Variants in HERC3 observed in about 807,000 individuals in gnomAD.
The protein encoded by HERC3 is HECT and RLD domain containing E3 ubiquitin protein ligase 3, also known as probable E3 ubiquitin-protein ligase HERC3.
Under a neutral mutation model 129.9 loss-of-function variants are expected in HERC3, and 58 were observed. The observed-to-expected ratio is 0.45, with a 90% confidence interval of 0.36 to 0.56. The LOEUF is 0.56. Ranked by LOEUF, HERC3 falls within the 20% of genes least tolerant of loss-of-function variation. The pLI, the probability that HERC3 is intolerant of heterozygous loss-of-function variation, is 0.00. For missense variants in HERC3, 835 were observed against 1,244.2 expected (o/e 0.67, Z 4.95); for synonymous variants, 430 against 451.0 (o/e 0.95, Z 0.59).
the HERC3 span, among the ~76,000 whole-genome samples, chr4:88,586,473 C>T: frequency 3.3e-5 from 5 of 151,832 alleles, no homozygotes; most frequent in African/African-American, 1.2e-4. Context: ...ATTCTCCTGC[C>T]TCAGCCTCCT....
Position 88,690,316 on chromosome 4 carries a change from A to G in HERC3, c.2657+3017A>G, listed in dbSNP as rs1733944950. ...AGAATTGGGAAATTTATGGCAGATC[A>G]TAAAGCAGATTTGTTAGCCCAGCTG... On this transcript the variant is annotated intron_variant, in intron 23 of 25. Transcript: ENST00000402738. The G allele has an allele frequency of 3.0e-6, 3 of 985,062 alleles. No individual in the cohort carries two copies. In the African/African-American group the frequency reaches 5.2e-5, roughly 17 times the overall value. The allele number at this position is 985,062 out of a possible 1,614,324, so 61.0% of individuals were successfully genotyped here. A position where few individuals can be genotyped will look rare whatever the true frequency, so the allele number is the denominator to read the frequency against.
chr4:88,643,907 G>A (rs1728411450), intron 3 of HERC3, among the ~76,000 whole-genome samples: 1 of 152,172 alleles, frequency 6.6e-6, no homozygotes, highest in African/African-American at 2.4e-5. Context: ...TTATCTATGA[G>A]TGTGTTAAGA....
At chr4:88,548,648 C>G in the HERC3 span, among the ~76,000 whole-genome samples, 2 of 149,446 alleles carry the variant, frequency 1.3e-5, no homozygotes, top group East Asian at 1.9e-4. Context: ...TTCTCTCATT[C>G]TGTGGGTCAT....
At chr4:88,683,315 AC>A (rs998809893) in intron 21 of HERC3, among the ~76,000 whole-genome samples, 2 of 152,110 alleles carry the variant, frequency 1.3e-5, no homozygotes, top group East Asian at 3.9e-4. Context: ...TGATGAAGGT[AC>A]CCTCCATAAA....
At chr4:88,573,060 A>T in the HERC3 span, among the ~76,000 whole-genome samples, 1 of 152,244 alleles carries the variant, frequency 6.6e-6, no homozygotes, top group Non-Finnish European at 1.5e-5. Context: ...GATTTTAATT[A>T]AAATGTCATT....
At chr4:88,681,382 G>T (rs1732758079) in intron 21 of HERC3, 57 bp downstream of exon 21, 2 of 1,448,736 alleles carry the variant, frequency 1.4e-6, no homozygotes, top group Non-Finnish European at 1.9e-6. Flanking sequence ...TCTGGCATGA[G>T]GATTAAAGGT....
chr4:88,609,981 C>T (rs551773341), intron 3 of HERC3, among the ~76,000 whole-genome samples: 1 of 152,256 alleles, frequency 6.6e-6, no homozygotes, highest in Admixed American at 6.5e-5. Flanking sequence ...GTTGCCATGG[C>T]GTTTGTAAAC....
chr4:88,601,008 A>G (rs1722906440), intron 2 of HERC3, among the ~76,000 whole-genome samples: 1 of 152,254 alleles, frequency 6.6e-6, no homozygotes, highest in South Asian at 2.1e-4. Flanking sequence ...TTAGTGTATC[A>G]TTAGACCACC....
At chr4:88,612,711 T>C (rs1036977117) in intron 3 of HERC3, among the ~76,000 whole-genome samples, 5 of 152,236 alleles carry the variant, frequency 3.3e-5, no homozygotes, top group African/African-American at 1.2e-4. Context: ...AATTTCCTTA[T>C]GGTTTTTGTC....
At chr4:88,581,471 T>A in the HERC3 span, among the ~76,000 whole-genome samples, 1 of 151,340 alleles carries the variant, frequency 6.6e-6, no homozygotes, top group Non-Finnish European at 1.5e-5. Flanking sequence ...CTAAATTTTT[T>A]TTTTTTGTAT....
chr4:88,595,904 A>C (rs1421253617), intron 2 of HERC3, among the ~76,000 whole-genome samples: 1 of 128,190 alleles, frequency 7.8e-6, no homozygotes. Flanking sequence ...GCTGGAGTGC[A>C]GTGGCGGGAT....
intron 3 of HERC3, among the ~76,000 whole-genome samples, chr4:88,629,963 A>G (rs1195713667): frequency 6.6e-6 from 1 of 152,144 alleles, no homozygotes; most frequent in African/African-American, 2.4e-5. Flanking sequence ...TTTTTAGGTC[A>G]GTCTATGGGT....
chr4:88,652,873 C>G lies in HERC3; in HGVS notation c.468C>G (p.Gly156=), dbSNP rs1332908415. The G allele has an allele frequency of 6.2e-7, 1 of 1,605,970 alleles. No homozygotes were observed. The highest frequency in any genetic ancestry group is 2.2e-5 in the East Asian group (1 of 44,638). The part of the protein sequence containing the change: ...NWHCLALAAD[G]QFFTWGKNSH... ...CCAGTTATCCTGTTATTTCAGATGG[C>G]CAGTTCTTCACCTGGGGAAAGAACA... Residue 156 remains glycine (G), a synonymous_variant, in exon 6 of 26, where the codon GGC becomes GGG. Coordinates refer to ENST00000402738, the MANE Select transcript of HERC3 (RefSeq NM_014606.3).
At chr4:88,574,986 T>C in the HERC3 span, among the ~76,000 whole-genome samples, 2 of 152,188 alleles carry the variant, frequency 1.3e-5, no homozygotes, top group Admixed American at 1.3e-4. Context: ...ACTTTCAGAA[T>C]ATTAAAAAAA....
At chr4:88,555,992 G>A in the HERC3 span, among the ~76,000 whole-genome samples, 1 of 152,160 alleles carries the variant, frequency 6.6e-6, no homozygotes, top group African/African-American at 2.4e-5. Flanking sequence ...TTGGATTTGG[G>A]GAGAGGGGTC....
intron 11 of HERC3, 107 bp from the exon 12 acceptor site, chr4:88,664,046 G>A: frequency 1.2e-6 from 1 of 823,964 alleles, no homozygotes; most frequent in Middle Eastern, 2.5e-4. Flanking sequence ...ACAAAGAGCT[G>A]CTATTAATGA....
At chr4:88,604,344 A>C (rs925190036) in intron 2 of HERC3, among the ~76,000 whole-genome samples, 2 of 152,186 alleles carry the variant, frequency 1.3e-5, no homozygotes, top group Non-Finnish European at 2.9e-5. Context: ...TAAAGTATAA[A>C]ATTTAGGGGT....
chr4:88,543,336 T>A, the HERC3 span, among the ~76,000 whole-genome samples: 1 of 152,032 alleles, frequency 6.6e-6, no homozygotes, highest in Non-Finnish European at 1.5e-5. Context: ...CATTCATAAT[T>A]GCTACACAGA....
the HERC3 span, among the ~76,000 whole-genome samples, chr4:88,569,772 G>C: frequency 6.6e-6 from 1 of 152,172 alleles, no homozygotes; most frequent in East Asian, 1.9e-4. Context: ...GAGGATTTCC[G>C]TGTATGCAAG....
Sources: allele counts gnomAD v4.1 joint callset (sites outside exome capture counted in the v4.1 genomes callset), GRCh38; gene constraint gnomAD v4.1.1; transcripts MANE v1.5; gene names NCBI Gene and HGNC (gene_info 2026-07-23, HGNC 2026-07-21).